Variants in CNTN5 observed in about 807,000 individuals in gnomAD.
CNTN5 encodes the protein contactin-5.
In CNTN5, 77 loss-of-function variants were observed where a neutral mutation model predicts 129.1. That is an observed-to-expected ratio of 0.60 (90% confidence interval 0.50 to 0.72). The LOEUF is 0.72. CNTN5 is among the 30% of genes least tolerant of loss of function. The pLI, the probability that CNTN5 is intolerant of heterozygous loss-of-function variation, is 0.00. For missense variants in CNTN5, 1,478 were observed against 1,328.8 expected, an observed-to-expected ratio of 1.11 and a Z score of -1.75; for synonymous variants, 509 against 465.6, an observed-to-expected ratio of 1.09 and a Z score of -1.20.
rs1162474165 is a variant in CNTN5 at position 99,432,473 on chromosome 11, T to TTCTTTTCTTG, written c.-71+106998_-71+106999insGTCTTTTCTT. ...TTCTTTTCTTTTCTTTCCTTTTCTT[T>TTCTTTTCTTG]TCTTTTCTTTTCTTTTCTTTTCTTT... On this transcript the variant is annotated intron_variant, in intron 2 of 24. Transcript: ENST00000524871. Among the ~76,000 whole-genome samples, 337 of 138,280 alleles carry TTCTTTTCTTG rather than the reference T, an allele frequency of 2.4e-3. 5 individuals carry two copies. Among genetic ancestry groups the TTCTTTTCTTG allele is most frequent in the African/African-American group, 8.2e-3 (312 of 37,858 alleles). The allele number at this position is 138,280 out of a possible 152,430, so 90.7% of individuals were successfully genotyped here.
chr11:99,638,727 A>T (rs656278), intron 3 of CNTN5, among the ~76,000 whole-genome samples: 1 of 152,120 alleles, frequency 6.6e-6, no homozygotes, highest in Non-Finnish European at 1.5e-5. Flanking sequence ...TTGACTCCAT[A>T]TCTCATACCC....
At chr11:99,443,353 C>T (rs1406301272) in intron 2 of CNTN5, among the ~76,000 whole-genome samples, 7 of 152,146 alleles carry the variant, frequency 4.6e-5, no homozygotes, top group Non-Finnish European at 1.0e-4. Context: ...AAGGATGCTG[C>T]ATGGTCCCAA....
At chr11:99,826,786 C>T (rs1406999674) in intron 4 of CNTN5, among the ~76,000 whole-genome samples, 1 of 152,142 alleles carries the variant, frequency 6.6e-6, no homozygotes, top group Non-Finnish European at 1.5e-5. Context: ...GTGTTAACAG[C>T]AAGCCTCCAT....
At chr11:99,932,364 T>C (rs1950212537) in intron 7 of CNTN5, among the ~76,000 whole-genome samples, 1 of 152,080 alleles carries the variant, frequency 6.6e-6, no homozygotes, top group African/African-American at 2.4e-5. Context: ...GGCTAATTTT[T>C]GTATTTTTAG....
chr11:100,131,194 G>C (rs1208573221), intron 13 of CNTN5, among the ~76,000 whole-genome samples: 1 of 152,028 alleles, frequency 6.6e-6, no homozygotes, highest in Non-Finnish European at 1.5e-5. Context: ...AGCAAGAGTG[G>C]GTACAGAATC....
chr11:100,112,833 G>A (rs1025774881), intron 13 of CNTN5, among the ~76,000 whole-genome samples: 10 of 152,236 alleles, frequency 6.6e-5, no homozygotes, highest in African/African-American at 2.4e-4. Flanking sequence ...AGAGGGAAGA[G>A]TGCCTTTTAA....
intron 1 of CNTN5, among the ~76,000 whole-genome samples, chr11:99,275,792 G>A (rs543122809): frequency 2.0e-5 from 3 of 151,788 alleles, no homozygotes; most frequent in South Asian, 4.1e-4. Context: ...AAGTGCAAGT[G>A]TGCAAAGCCC....
intron 3 of CNTN5, among the ~76,000 whole-genome samples, chr11:99,618,744 C>T (rs947356339): frequency 6.6e-6 from 1 of 152,116 alleles, no homozygotes; most frequent in Non-Finnish European, 1.5e-5. Flanking sequence ...CAGGCTAATA[C>T]TTTCACTCTC....
intron 4 of CNTN5, among the ~76,000 whole-genome samples, chr11:99,831,058 G>A (rs962126075): frequency 6.6e-6 from 1 of 152,106 alleles, no homozygotes; most frequent in African/African-American, 2.4e-5. Context: ...TCAACAAGAT[G>A]ACCTATTGGT....
intron 9 of CNTN5, among the ~76,000 whole-genome samples, chr11:100,049,761 C>T (rs1009124864): frequency 2.7e-5 from 3 of 110,654 alleles, no homozygotes; most frequent in African/African-American, 9.3e-5. Context: ...CTACAATGAA[C>T]TCCAACAAAT....
intron 8 of CNTN5, among the ~76,000 whole-genome samples, chr11:99,965,134 G>T (rs995011297): frequency 9.2e-5 from 14 of 152,102 alleles, no homozygotes; most frequent in South Asian, 2.1e-4. Context: ...TTGATTTTTT[G>T]AACGGTTTTT....
intron 1 of CNTN5, among the ~76,000 whole-genome samples, chr11:99,302,046 C>G (rs1864667148): frequency 6.6e-6 from 1 of 151,428 alleles, no homozygotes; most frequent in Admixed American, 6.6e-5. Context: ...AAGAAAAACA[C>G]AATATGTCAA....
intron 2 of CNTN5, among the ~76,000 whole-genome samples, chr11:99,555,649 G>T (rs1174458558): frequency 2.6e-5 from 4 of 151,844 alleles, no homozygotes; most frequent in African/African-American, 9.7e-5. Flanking sequence ...AACAAAGGAA[G>T]TTGACATTAA....
At chr11:99,166,947 A>T (rs796377320) in intron 1 of CNTN5, among the ~76,000 whole-genome samples, 21 of 152,248 alleles carry the variant, frequency 1.4e-4, no homozygotes, top group African/African-American at 4.8e-4. Context: ...AACATTATCC[A>T]CTACATTTTT....
At chr11:99,845,012 A>G (rs1947638396) in intron 5 of CNTN5, 37 bp downstream of exon 5, 1 of 1,610,284 alleles carries the variant, frequency 6.2e-7, no homozygotes. Flanking sequence ...CTTAAGCCTT[A>G]AAAACTTTCC....
intron 2 of CNTN5, among the ~76,000 whole-genome samples, chr11:99,531,061 G>A (rs1346019901): frequency 1.3e-5 from 2 of 152,172 alleles, no homozygotes; most frequent in Non-Finnish European, 2.9e-5. Flanking sequence ...GAAGAAGACA[G>A]GAAAATGTGG....
chr11:99,369,653 C>G (rs903926392), intron 2 of CNTN5, among the ~76,000 whole-genome samples: 2 of 151,648 alleles, frequency 1.3e-5, no homozygotes, highest in East Asian at 1.9e-4. Flanking sequence ...TAAAATACAC[C>G]AAAGTAATGG....
intron 1 of CNTN5, among the ~76,000 whole-genome samples, chr11:99,196,619 T>C (rs1028751751): frequency 6.6e-6 from 1 of 152,004 alleles, no homozygotes; most frequent in Admixed American, 6.6e-5. Flanking sequence ...TTTGATATAT[T>C]ACATTTCCAT....
At chr11:99,844,222 G>T (rs959792857) in intron 4 of CNTN5, among the ~76,000 whole-genome samples, 1 of 152,036 alleles carries the variant, frequency 6.6e-6, no homozygotes. Flanking sequence ...TTTGTCTTCT[G>T]ATCTTATTGA....
Sources: allele counts gnomAD v4.1 joint callset (sites outside exome capture counted in the v4.1 genomes callset), GRCh38; gene constraint gnomAD v4.1.1; transcripts MANE v1.5; gene names NCBI Gene and HGNC (gene_info 2026-07-23, HGNC 2026-07-21).